The following ATP5PF variants were observed in gnomAD, a reference collection of about 807,000 sequenced individuals.
The protein encoded by ATP5PF is ATP synthase peripheral stalk subunit F6.
In ATP5PF, 7 loss-of-function variants were observed where a neutral mutation model predicts 12.0. That is an observed-to-expected ratio of 0.58 (90% CI 0.33 to 1.10). ATP5PF has a LOEUF of 1.10. ATP5PF is among the 50% of genes least tolerant of loss of function. The pLI, the probability that ATP5PF is intolerant of heterozygous loss-of-function variation, is 0.03. For synonymous variants in ATP5PF, 41 were observed against 45.4 expected, an observed-to-expected ratio of 0.90 and a Z score of 0.39; for missense variants, 120 against 127.7, an observed-to-expected ratio of 0.94 and a Z score of 0.29.
chr21:25,733,984 G>C (rs2034899599), intron 1 of ATP5PF, among the ~76,000 whole-genome samples: 1 of 152,134 alleles, frequency 6.6e-6, no homozygotes, highest in Non-Finnish European at 1.5e-5. Context: ...TCTATCCACA[G>C]CATTCAACAG....
intron 2 of ATP5PF, among the ~76,000 whole-genome samples, chr21:25,727,915 C>G (rs1355186527): frequency 3.3e-5 from 5 of 152,164 alleles, no homozygotes; most frequent in Non-Finnish European, 5.9e-5. Context: ...GTCTACAAAG[C>G]ACAGAGTAAC....
At chr21:25,724,855 CATTA>C (rs2034575277) in intron 3 of ATP5PF, 178 bp from the exon 4 acceptor site, 3 of 649,224 alleles carry the variant, frequency 4.6e-6, no homozygotes, top group Non-Finnish European at 7.8e-6. Flanking sequence ...CCATGCATTC[CATTA>C]ATTGACTTTG....
At chr21:25,724,770 AT>A (rs553760337) in intron 3 of ATP5PF, 93 bp from the exon 4 acceptor site, 7 of 1,294,908 alleles carry the variant, frequency 5.4e-6, no homozygotes, top group Non-Finnish European at 7.6e-6. Flanking sequence ...CAATTTTCTG[AT>A]TTTTTTAGTA....
chr21:25,734,472 T>G, intron 1 of ATP5PF: 1 of 796,154 alleles, frequency 1.3e-6, no homozygotes. Flanking sequence ...TTTTCCCTCT[T>G]AATGGTACAC....
chr21:25,734,733 C>T, intron 1 of ATP5PF, 120 bp downstream of exon 1: 1 of 1,041,350 alleles, frequency 9.6e-7, no homozygotes, highest in Non-Finnish European at 1.4e-6. Flanking sequence ...CCGTGAAGGT[C>T]CCCAGGACAC....
Position 25,730,381 on chromosome 21 carries a change from C to T in ATP5PF, c.-7-580G>A, listed in dbSNP as rs191143058. Among the ~76,000 whole-genome samples the T allele has an allele frequency of 2.4e-3, 359 of 152,218 alleles. 1 individual carries two copies. Among genetic ancestry groups the T allele is most frequent in the Non-Finnish European group, 4.0e-3 (274 of 68,004 alleles). On this transcript the variant is annotated intron_variant, in intron 1 of 3. Transcript: ENST00000284971. Reference sequence around the variant, plus strand: ...GTGCATGACAGTGGGGAGGATCCGGCAGTCCAACTTTATCAGTGAAATAAA... The same window carrying T: ...GTGCATGACAGTGGGGAGGATCCGGTAGTCCAACTTTATCAGTGAAATAAA...
At chr21:25,734,735 C>G (rs1203433193) in intron 1 of ATP5PF, 118 bp downstream of exon 1, 3 of 1,074,142 alleles carry the variant, frequency 2.8e-6, no homozygotes, top group African/African-American at 3.2e-5. Context: ...GTGAAGGTCC[C>G]CAGGACACAG....
At chr21:25,734,781 C>G (rs1051053529) in intron 1 of ATP5PF, 72 bp downstream of exon 1, 3 of 1,436,112 alleles carry the variant, frequency 2.1e-6, no homozygotes, top group Non-Finnish European at 2.8e-6. Context: ...TGAGAGGCAG[C>G]CCAGGCCTCG....
chr21:25,727,291 A>T (rs552025466), intron 2 of ATP5PF, among the ~76,000 whole-genome samples: 5 of 152,356 alleles, frequency 3.3e-5, no homozygotes, highest in Admixed American at 2.6e-4. Context: ...GCCAGAAATC[A>T]TCTACCTCCT....
intron 2 of ATP5PF, among the ~76,000 whole-genome samples, chr21:25,728,112 CTA>C (rs2034664720): frequency 6.6e-6 from 1 of 152,148 alleles, no homozygotes; most frequent in Non-Finnish European, 1.5e-5. Flanking sequence ...ATTACCACTG[CTA>C]TAAAGTCAAG....
chr21:25,732,035 G>A (rs367747117), intron 1 of ATP5PF, among the ~76,000 whole-genome samples: 74 of 152,270 alleles, frequency 4.9e-4, no homozygotes, highest in African/African-American at 1.7e-3. Flanking sequence ...GTGTGAGAAT[G>A]GCCCTTTACC....
chr21:25,730,736 CAAAAAAAAAAAAAAAAA>C (rs71183508), intron 1 of ATP5PF, among the ~76,000 whole-genome samples: 205 of 31,880 alleles, frequency 6.4e-3, no homozygotes, highest in Non-Finnish European at 0.011. Context: ...CTCCGTCTCA[CAAAAAAAAAAAAAAAAA>C]AAAAAAAAAA....
At position 25,724,568 on chromosome 21, in the gene ATP5PF, T is replaced by A. The variant is rs1164561108; in HGVS notation, c.*72A>T. 3.3e-6 allele frequency: 5 copies of A among 1,500,720 alleles called. No individual in the cohort carries two copies. In the African/African-American group the frequency reaches 7.0e-5, roughly 21 times the overall value. 93.0% of individuals were successfully genotyped at this position (1,500,720 alleles called of 1,614,324 possible). A position where few individuals can be genotyped will look rare whatever the true frequency, so the allele number is the denominator to read the frequency against. ...CATTTGACAGTTATGAAATGCATGT[T>A]TATTCTGAAACTTCTAACTAGTTGT... On this transcript the variant is annotated 3_prime_UTR_variant, in exon 4 of 4. Transcript: ENST00000284971.
intron 1 of ATP5PF, among the ~76,000 whole-genome samples, chr21:25,734,048 C>A (rs2034903409): frequency 6.6e-6 from 1 of 152,234 alleles, no homozygotes; most frequent in South Asian, 2.1e-4. Context: ...AACACATAAT[C>A]CCATATCAAA....
chr21:25,725,493 G>A (rs2034594701), intron 2 of ATP5PF, 143 bp from the exon 3 acceptor site: 1 of 920,766 alleles, frequency 1.1e-6, no homozygotes, highest in Non-Finnish European at 1.5e-6. Context: ...AGGCTGGAGT[G>A]CGGTAGCATG....
At chr21:25,724,843 A>G in intron 3 of ATP5PF, 166 bp from the exon 4 acceptor site, 2 of 688,362 alleles carry the variant, frequency 2.9e-6, no homozygotes, top group Non-Finnish European at 4.8e-6. Context: ...ACTTTCTATG[A>G]GCCATGCATT....
chr21:25,734,647 T>G (rs1601096031), intron 1 of ATP5PF: 99 of 412,688 alleles, frequency 2.4e-4, no homozygotes, highest in East Asian at 4.2e-4. Context: ...TCAGAGAGGG[T>G]ATCGATCTTA....
intron 2 of ATP5PF, 139 bp downstream of exon 2, chr21:25,729,492 G>T: frequency 7.4e-6 from 5 of 673,846 alleles, no homozygotes; most frequent in South Asian, 3.7e-5. Context: ...CTTTTTTGAG[G>T]GCACCTAATG....
At chr21:25,725,560 C>T (rs572662233) in intron 2 of ATP5PF, among the ~76,000 whole-genome samples, 1 of 152,220 alleles carries the variant, frequency 6.6e-6, no homozygotes, top group African/African-American at 2.4e-5. Flanking sequence ...CTGTCTCAGC[C>T]TCCCAAGTAA....
Sources: gnomAD v4.1 joint callset for allele counts (sites outside exome capture counted in the v4.1 genomes callset) on GRCh38, gnomAD v4.1.1 for gene constraint, MANE v1.5 for transcripts, NCBI Gene and HGNC (gene_info 2026-07-23, HGNC 2026-07-21) for gene names.